RAB37: variants seen among roughly 807,000 people sequenced by gnomAD.
The protein encoded by RAB37 is RAB37, member RAS oncogene family.
Under a neutral mutation model 33.1 loss-of-function variants are expected in RAB37, and 29 were observed. The ratio of observed to expected loss-of-function variants is 0.88; its 90% confidence interval spans 0.65 to 1.20. RAB37 has a LOEUF of 1.20. RAB37 is among the 50% of genes most tolerant of loss of function. RAB37 has a pLI of 0.00. For missense variants in RAB37, 299 were observed against 301.1 expected (o/e 0.99, Z 0.05); for synonymous variants, 128 against 119.5 (o/e 1.07, Z -0.47).
rs1417235082 is a variant in RAB37 at position 74,729,416 on chromosome 17, G to A, written c.183+50G>A. On this transcript the variant is annotated intron_variant, in intron 2 of 7. Coordinates refer to the RAB37 transcript ENST00000340415. This position sits in a 1 kb window ranked among gnomAD's most constrained non-coding sequence, Gnocchi z 4.2. Reference sequence around the variant, plus strand: ...CTCTGGGCCTGGGCTCAGGACCCCAGCGTGTTTCTGTTGAGTGCCAGCAGG... The same window carrying A: ...CTCTGGGCCTGGGCTCAGGACCCCAACGTGTTTCTGTTGAGTGCCAGCAGG... 1 of 1,317,644 alleles carries A rather than the reference G, an allele frequency of 7.6e-7. No individual in the cohort carries two copies. Among genetic ancestry groups the A allele is most frequent in the African/African-American group, 1.4e-5 (1 of 68,990 alleles). The allele number at this position is 1,317,644 out of a possible 1,614,324, so 81.6% of individuals were successfully genotyped here.
At chr17:74,731,165 T>A (rs1408797581) in intron 2 of RAB37, among the ~76,000 whole-genome samples, 2 of 152,236 alleles carry the variant, frequency 1.3e-5, no homozygotes, top group Admixed American at 6.5e-5. Context: ...ATCAGCGGTC[T>A]GGGGGTCCCC....
chr17:74,712,529 CA>C (rs1307916971), intron 1 of RAB37, among the ~76,000 whole-genome samples: 1 of 152,244 alleles, frequency 6.6e-6, no homozygotes, highest in African/African-American at 2.4e-5. Flanking sequence ...CTCTCCTGAG[CA>C]GCCCATGTTC....
upstream of RAB37, among the ~76,000 whole-genome samples, chr17:74,733,516 G>GGTGTGTGGTGTAACTTGAGGGGT: frequency 2.6e-5 from 1 of 38,592 alleles, no homozygotes; most frequent in Non-Finnish European, 5.7e-5. Flanking sequence ...TGTGTGGTGA[G>GGTGTGTGGTGTAACTTGAGGGGT]GTGTGTGGTG....
intron 1 of RAB37, among the ~76,000 whole-genome samples, chr17:74,679,368 C>G (rs1363592373): frequency 2.0e-5 from 3 of 152,038 alleles, no homozygotes; most frequent in Non-Finnish European, 4.4e-5. Context: ...CCCTTTCAGC[C>G]CCTGGAGTCT....
intron 1 of RAB37, among the ~76,000 whole-genome samples, chr17:74,675,226 G>C (rs1405509624): frequency 5.9e-5 from 9 of 152,050 alleles, no homozygotes; most frequent in African/African-American, 9.7e-5. Context: ...CATGAGGTCA[G>C]GAGATCGAGA....
chr17:74,702,979 T>C, intron 1 of RAB37: 1 of 1,383,870 alleles, frequency 7.2e-7, no homozygotes, highest in East Asian at 2.3e-5. Flanking sequence ...TTCAAAGAGT[T>C]CTCCATTGGA....
At chr17:74,686,422 G>T (rs563835110) in intron 1 of RAB37, among the ~76,000 whole-genome samples, 34 of 151,004 alleles carry the variant, frequency 2.3e-4, no homozygotes, top group Admixed American at 1.3e-3. Context: ...ATGGAGTCTC[G>T]CTCTGTTGCC....
At chr17:74,740,951 A>ATG in intron 2 of RAB37, 73 bp downstream of exon 2, 1 of 1,130,614 alleles carries the variant, frequency 8.8e-7, no homozygotes, top group Non-Finnish European at 1.3e-6. Context: ...GGTTGCCCCC[A>ATG]CCTTGCTCAC....
Position 74,675,984 on chromosome 17 carries a change from A to G in RAB37, c.72+4326A>G, listed in dbSNP as rs549046080. On this transcript the variant is annotated intron_variant, in intron 1 of 7. Coordinates refer to the RAB37 transcript ENST00000340415. ...GCAGCTAAATAATTTAAAACAAAGG[A>G]GCAACCTGGCTGCTCTTTTCCTTAG... 3.3e-5 allele frequency among the ~76,000 whole-genome samples: 5 copies of G among 152,280 alleles called. No homozygotes were observed. The East Asian group carries it at 9.6e-4, about 29-fold the overall frequency.
chr17:74,680,632 C>T (rs542299350), intron 1 of RAB37, among the ~76,000 whole-genome samples: 6 of 152,270 alleles, frequency 3.9e-5, no homozygotes, highest in African/African-American at 1.4e-4. Flanking sequence ...ACCCCTTGCC[C>T]CACCTCTGCC....
Position 74,745,863 on chromosome 17 carries a change from C to G in RAB37, c.*452C>G, listed in dbSNP as rs2034748084. On this transcript the variant is annotated 3_prime_UTR_variant, in exon 9 of 9. Transcript: ENST00000392613. The surrounding 1 kb of genome is among the most constrained non-coding windows in gnomAD (Gnocchi z 4.5). ...TGGACAGAGGCTCAGGTGACCCCAGCCTTCACTGTCTCCCGCTCTCCAGGA... is the reference window on the plus strand; with the variant it reads ...TGGACAGAGGCTCAGGTGACCCCAGGCTTCACTGTCTCCCGCTCTCCAGGA... 6.2e-6 allele frequency: 1 copy of G among 160,550 alleles called. No homozygotes were observed. Among genetic ancestry groups the G allele is most frequent in the African/African-American group, 2.4e-5 (1 of 41,518 alleles). 9.9% of individuals were successfully genotyped at this position (160,550 alleles called of 1,614,324 possible). A position where few individuals can be genotyped will look rare whatever the true frequency, so the allele number is the denominator to read the frequency against.
chr17:74,713,570 C>T (rs912054929), intron 1 of RAB37, among the ~76,000 whole-genome samples: 2 of 152,038 alleles, frequency 1.3e-5, no homozygotes, highest in Non-Finnish European at 1.5e-5. Flanking sequence ...CGCGGCTCCA[C>T]CAGAGGGGTC....
chr17:74,707,688 C>A (rs1292319041), intron 1 of RAB37, among the ~76,000 whole-genome samples: 3 of 149,912 alleles, frequency 2.0e-5, no homozygotes, highest in African/African-American at 7.4e-5. Context: ...GCATTCCAGC[C>A]CGAGCAACAG....
chr17:74,704,563 C>T, intron 1 of RAB37: 1 of 1,614,226 alleles, frequency 6.2e-7, no homozygotes, highest in South Asian at 1.1e-5. Flanking sequence ...CATCAGTTTT[C>T]ATGAGATCCT....
chr17:74,718,555 T>A (rs1206023810), intron 1 of RAB37, among the ~76,000 whole-genome samples: 5 of 152,116 alleles, frequency 3.3e-5, no homozygotes, highest in Non-Finnish European at 7.4e-5. Flanking sequence ...CACCTATTAA[T>A]TGGCTAGATG....
chr17:74,732,540 G>T (rs906586401), upstream of RAB37, among the ~76,000 whole-genome samples: 2 of 146,164 alleles, frequency 1.4e-5, no homozygotes, highest in Non-Finnish European at 3.0e-5. Flanking sequence ...GCGTGGTGAG[G>T]TGTGTGGTGT....
upstream of RAB37, among the ~76,000 whole-genome samples, chr17:74,735,204 G>C (rs1418833743): frequency 7.2e-6 from 1 of 138,806 alleles, no homozygotes; most frequent in East Asian, 2.5e-4. Flanking sequence ...GGAAGGGAGG[G>C]AGGAAGGGAG....
rs949231586 is a variant in RAB37 at position 74,743,336 on chromosome 17, T to G, written c.362T>G (p.Ile121Ser). Residue 121 changes from isoleucine (I) to serine (S), a missense_variant, in exon 5 of 9, where the codon ATC becomes AGC. Transcript: ENST00000392613. ...ACCAACAAATCTTCTTTCGACAACA[T>G]CAGGGTAGGTCCTCCCTTCCCCTGA... ...DITNKSSFDN[I>S]RAWLTEIHEY... The G allele has an allele frequency of 6.2e-7, 1 of 1,614,038 alleles. No homozygotes were observed. The highest frequency in any genetic ancestry group is 8.5e-7 in the Non-Finnish European group (1 of 1,179,974).
At chr17:74,700,168 T>TAAATAAAC (rs1397057915) in intron 1 of RAB37, among the ~76,000 whole-genome samples, 8 of 77,018 alleles carry the variant, frequency 1.0e-4, no homozygotes, top group South Asian at 9.7e-4. Flanking sequence ...AATAAATAAA[T>TAAATAAAC]AAACAAACAA....
Sources: gnomAD v4.1 joint callset for allele counts (sites outside exome capture counted in the v4.1 genomes callset) on GRCh38, gnomAD v4.1.1 for gene constraint, Gnocchi (gnomAD v3.1) non-coding constraint, MANE v1.5 for transcripts, NCBI Gene and HGNC (gene_info 2026-07-23, HGNC 2026-07-21) for gene names.